KPNA5: variants seen among roughly 807,000 people sequenced by gnomAD.
KPNA5 encodes importin subunit alpha-6.
In KPNA5, 46 loss-of-function variants were observed where a neutral mutation model predicts 71.3. The ratio of observed to expected loss-of-function variants is 0.65; its 90% CI spans 0.51 to 0.83. The LOEUF is 0.83. KPNA5 is among the 40% of genes least tolerant of loss of function. KPNA5 has a pLI of 0.00. For synonymous variants in KPNA5, 207 were observed against 201.4 expected (o/e 1.03, Z -0.24); for missense variants, 547 against 628.3 (o/e 0.87, Z 1.38).
Position 116,692,083 on chromosome 6 carries a change from C to G in KPNA5, c.167C>G (p.Pro56Arg). The G allele has an allele frequency of 6.2e-7, 1 of 1,612,100 alleles. No individual in the cohort carries two copies. Among genetic ancestry groups the G allele is most frequent in the African/African-American group, 1.3e-5 (1 of 74,956 alleles). Reference sequence around the variant, plus strand: ...TTCAAACGCAGAAATGTCTATTTGCCCAGAAATGATGAATCTATGCTTGAA... The same window carrying G: ...TTCAAACGCAGAAATGTCTATTTGCGCAGAAATGATGAATCTATGCTTGAA... ...QLFKRRNVYL[P>R]RNDESMLESP... Residue 56 changes from proline (P) to arginine (R), a missense_variant, in exon 3 of 14, where the codon CCC becomes CGC. Physicochemically the swap from Pro to Arg is moderately radical, Grantham distance 103. Coordinates refer to ENST00000368564, the MANE Select transcript of KPNA5 (RefSeq NM_001366306.2).
Position 116,705,155 on chromosome 6 carries a change from T to C in KPNA5, c.651T>C (p.Leu217=). The C allele has an allele frequency of 6.2e-7, 1 of 1,602,450 alleles. No homozygotes were observed. The highest frequency in any genetic ancestry group is 8.5e-7 in the Non-Finnish European group (1 of 1,170,908). ...FVLNCEILPP[L]LELLTNSNRL... is the part of the protein sequence containing the mutation. ...TGAATTGTGAAATACTTCCACCTCT[T>C]TTAGAGTAAGTACTTTATCACAATT... Residue 217 remains leucine (L), a synonymous_variant, in exon 7 of 14, where the codon CTT becomes CTC. Transcript: ENST00000368564.
intron 5 of KPNA5, among the ~76,000 whole-genome samples, chr6:116,700,621 T>C (rs1203285522): frequency 2.0e-5 from 3 of 152,194 alleles, no homozygotes; most frequent in Non-Finnish European, 4.4e-5. Flanking sequence ...GTTAATATGA[T>C]TGGTCCATCT....
Position 116,726,586 on chromosome 6 carries a change from C to G in KPNA5, c.1217C>G (p.Thr406Ser), listed in dbSNP as rs1473874846. 2.5e-6 allele frequency: 4 copies of G among 1,611,912 alleles called. No homozygotes were observed. In the Admixed American group the frequency reaches 5.0e-5, roughly 20 times the overall value. The stretch of plus-strand genomic sequence containing the variant: ...AGAAAAGAAGCAGCTTGGGCTATAA[C>G]TAATGCAACATCAGGAGGTACTCCA... ...RTRKEAAWAITNATSGGTPEQ... is the reference protein window; with the variant it reads ...RTRKEAAWAISNATSGGTPEQ... The change falls in exon 12 of 14, where the codon ACT becomes AGT. Residue 406 changes from threonine to serine, a missense_variant. By Grantham distance (58) the Thr-to-Ser change is moderately conservative. Coordinates refer to ENST00000368564, the MANE Select transcript of KPNA5 (RefSeq NM_001366306.2).
chr6:116,688,443 C>T (rs1777677515), intron 1 of KPNA5, among the ~76,000 whole-genome samples: 1 of 151,968 alleles, frequency 6.6e-6, no homozygotes, highest in African/African-American at 2.4e-5. Flanking sequence ...TGGCACCCTG[C>T]TTTAGGCAGA....
intron 1 of KPNA5, among the ~76,000 whole-genome samples, chr6:116,688,108 C>G (rs1231202609): frequency 6.6e-6 from 1 of 152,076 alleles, no homozygotes; most frequent in Non-Finnish European, 1.5e-5. Flanking sequence ...TTGATTCTCC[C>G]CATTTCTCTT....
chr6:116,724,900 C>T (rs1583444173), intron 10 of KPNA5, among the ~76,000 whole-genome samples: 1 of 152,248 alleles, frequency 6.6e-6, no homozygotes. Flanking sequence ...CAGGCATGAG[C>T]CAGTATGTCC....
intron 7 of KPNA5, among the ~76,000 whole-genome samples, chr6:116,711,654 T>C (rs546684279): frequency 6.6e-6 from 1 of 152,258 alleles, no homozygotes; most frequent in East Asian, 1.9e-4. Flanking sequence ...TTTCATTCCA[T>C]TGTTGTCAGA....
chr6:116,729,792 A>T, intron 13 of KPNA5, 51 bp downstream of exon 13: 1 of 1,162,240 alleles, frequency 8.6e-7, no homozygotes, highest in Non-Finnish European at 1.1e-6. Context: ...TATATCTGTC[A>T]TACTTTCCCC....
At chr6:116,681,611 G>T in intron 1 of KPNA5, 1 of 1,059,784 alleles carries the variant, frequency 9.4e-7, no homozygotes, top group Non-Finnish European at 1.2e-6. Flanking sequence ...TCTCATCTTC[G>T]CCGCCCCGCC....
In KPNA5 at chr6:116,738,370, A is replaced by AC. The variant is rs1459432898; in HGVS notation, c.*6048dup. ...TGTGGCAATAATCAATAGCTTACCA[A>AC]CAAAAAGAGTCCAGGACCAGATGGA... On this transcript the variant is annotated 3_prime_UTR_variant, in exon 14 of 14. Coordinates refer to ENST00000368564, the MANE Select transcript of KPNA5 (RefSeq NM_001366306.2). The AC allele has an allele frequency of 1.3e-5, 2 of 152,148 alleles. No homozygotes were observed. The highest frequency in any genetic ancestry group is 4.8e-5 in the African/African-American group (2 of 41,422). 9.4% of individuals were successfully genotyped at this position (152,148 alleles called of 1,614,324 possible).
In KPNA5 at chr6:116,700,365, G is replaced by A. The variant is rs181269429; in HGVS notation, c.435+1567G>A. On this transcript the variant is annotated intron_variant, in intron 5 of 13. Transcript: ENST00000368564. ...TGCACCTGTAGTCTCATCTACTTGG[G>A]AGGCTGAAGTGAGAGTATAACTTGA... Among the ~76,000 whole-genome samples the A allele has an allele frequency of 1.6e-4, 24 of 152,254 alleles. No individual in the cohort carries two copies. In the East Asian group the frequency reaches 1.9e-3, roughly 12 times the overall value.
rs140309737 is a variant in KPNA5, at chr6:116,692,146, C to A, written c.230C>A (p.Pro77His). Residue 77 changes from proline (P) to histidine (H), a missense_variant, in exon 3 of 14, where the codon CCC (proline) becomes CAC (histidine). By Grantham distance (77) the Pro-to-His change is moderately conservative. Transcript: ENST00000368564. ...GATCCAGATATTAGTTCCACTGTAC[C>A]CATTCCAGAGGTATACTTTACCAAA... Reference protein sequence around the residue: ...IQDPDISSTVPIPEEEVVTTD... With the variant: ...IQDPDISSTVHIPEEEVVTTD... 1.2e-6 allele frequency: 2 copies of A among 1,601,384 alleles called. No homozygotes were observed. The highest frequency in any genetic ancestry group is 1.1e-5 in the South Asian group (1 of 90,400).
At chr6:116,715,037 G>C (rs1225297874) in intron 7 of KPNA5, among the ~76,000 whole-genome samples, 2 of 152,086 alleles carry the variant, frequency 1.3e-5, no homozygotes, top group Non-Finnish European at 2.9e-5. Context: ...AGTTATCTTA[G>C]TTGCCATAAA....
intron 1 of KPNA5, among the ~76,000 whole-genome samples, chr6:116,686,737 C>G (rs1252091272): frequency 1.4e-4 from 21 of 152,174 alleles, no homozygotes; most frequent in Admixed American, 1.4e-3. Flanking sequence ...GGTCCAGTTT[C>G]AATCTTCTGC....
chr6:116,720,684 C>A (rs773348801), intron 8 of KPNA5, among the ~76,000 whole-genome samples: 3 of 151,996 alleles, frequency 2.0e-5, no homozygotes, highest in Non-Finnish European at 2.9e-5. Context: ...GAAACCCTGT[C>A]TGTACAAAAA....
At chr6:116,731,795 T>A (rs1367143986) in intron 13 of KPNA5, among the ~76,000 whole-genome samples, 1 of 151,870 alleles carries the variant, frequency 6.6e-6, no homozygotes, top group Non-Finnish European at 1.5e-5. Context: ...GGAGTTAATC[T>A]AAAACTGCCA....
rs1474767526 is a variant in KPNA5, at chr6:116,738,466, T to C, written c.*6143T>C. 4 of 151,924 alleles carry C rather than the reference T, an allele frequency of 2.6e-5. No individual in the cohort carries two copies. The highest frequency in any genetic ancestry group is 6.6e-5 in the Admixed American group (1 of 15,240). 9.4% of individuals were successfully genotyped at this position (151,924 alleles called of 1,614,324 possible). ...TTCCTTCTGAAACTATTCCAATCAATAGAAAAAGAGGGAATCCTCCCTAAC... is the reference window on the plus strand; with the variant it reads ...TTCCTTCTGAAACTATTCCAATCAACAGAAAAAGAGGGAATCCTCCCTAAC... On this transcript the variant is annotated 3_prime_UTR_variant, in exon 14 of 14. Transcript: ENST00000368564.
In KPNA5 at chr6:116,732,441, T is replaced by G; in HGVS notation, c.*118T>G. On this transcript the variant is annotated 3_prime_UTR_variant, in exon 14 of 14. Coordinates refer to ENST00000368564, the MANE Select transcript of KPNA5 (RefSeq NM_001366306.2). ...GAACAGTAAAGAGAATTTGATGCACTTTTAGAAAGCAAAATGAAACAAAAA... is the reference window on the plus strand; with the variant it reads ...GAACAGTAAAGAGAATTTGATGCACGTTTAGAAAGCAAAATGAAACAAAAA... The G allele has an allele frequency of 6.4e-6, 3 of 467,826 alleles. No homozygotes were observed. The highest frequency in any genetic ancestry group is 1.1e-5 in the Non-Finnish European group (3 of 284,056). The allele number at this position is 467,826 out of a possible 1,614,324, so 29.0% of individuals were successfully genotyped here.
At chr6:116,685,227 G>T (rs1024163304) in intron 1 of KPNA5, among the ~76,000 whole-genome samples, 1 of 152,188 alleles carries the variant, frequency 6.6e-6, no homozygotes, top group Non-Finnish European at 1.5e-5. Flanking sequence ...CAACAATGTG[G>T]ACGACTCAAA....
Sources: gnomAD v4.1 joint callset for allele counts (sites outside exome capture counted in the v4.1 genomes callset) on GRCh38, gnomAD v4.1.1 for gene constraint, MANE v1.5 for transcripts, NCBI Gene and HGNC (gene_info 2026-07-23, HGNC 2026-07-21) for gene names.